Variants in DDI2 observed in about 807,000 individuals in gnomAD.
DDI2 encodes the protein DDI proteasomal shuttling factor 2, also known as protein DDI1 homolog 2.
A neutral mutation model predicts 48.1 loss-of-function variants in DDI2; 5 were observed. That is an observed-to-expected ratio of 0.10 (90% CI 0.05 to 0.22). The LOEUF (loss-of-function observed/expected upper bound fraction) is 0.22. DDI2 is among the 10% of genes least tolerant of loss of function. DDI2 has a pLI of 1.00. For synonymous variants in DDI2, 205 were observed against 183.6 expected (o/e 1.12, Z -0.94); for missense variants, 285 against 506.2 (o/e 0.56, Z 4.19).
intron 1 of DDI2, among the ~76,000 whole-genome samples, chr1:15,625,502 T>A (rs538555044): frequency 6.6e-6 from 1 of 152,236 alleles, no homozygotes; most frequent in Non-Finnish European, 1.5e-5. Context: ...ATTTGTGCTG[T>A]CAGGTTTTTT....
At chr1:15,630,243 A>T in intron 2 of DDI2, 82 bp from the exon 3 acceptor site, 1 of 1,280,516 alleles carries the variant, frequency 7.8e-7, no homozygotes, top group Non-Finnish European at 1.1e-6. Flanking sequence ...TATACCATGT[A>T]TGAGCAAGTG....
At chr1:15,641,647 C>G (rs1231711210) in intron 5 of DDI2, among the ~76,000 whole-genome samples, 1 of 151,794 alleles carries the variant, frequency 6.6e-6, no homozygotes, top group Non-Finnish European at 1.5e-5. Flanking sequence ...CCAGGCTGAT[C>G]ACTATGGTTA....
rs770495140 is a variant in DDI2 at position 15,649,808 on chromosome 1, G to T, written c.978G>T (p.Met326Ile). 1 of 1,611,272 alleles carries T rather than the reference G, an allele frequency of 6.2e-7. No individual in the cohort carries two copies. The highest frequency in any genetic ancestry group is 1.1e-5 in the South Asian group (1 of 90,356). Residue 326 changes from methionine (M) to isoleucine (I), a missense_variant, in exon 7 of 10, where the codon ATG (methionine) becomes ATT (isoleucine). Coordinates refer to ENST00000480945, the MANE Select transcript of DDI2 (RefSeq NM_032341.5). ...TGGACATGCTTCTGGGACTGGACAT[G>T]CTTAAACGGCACCAGGTAATTAAGA... ...QPMDMLLGLD[M>I]LKRHQCSIDL... is the part of the protein sequence containing the mutation.
intron 1 of DDI2, among the ~76,000 whole-genome samples, chr1:15,624,931 A>C (rs925692066): frequency 1.3e-5 from 2 of 152,202 alleles, no homozygotes; most frequent in African/African-American, 4.8e-5. Context: ...GTTGAGCATT[A>C]AGGACTTAAT....
Position 15,617,469 on chromosome 1 carries a change from C to G in DDI2, c.-202C>G. 1 of 342,816 alleles carries G rather than the reference C, an allele frequency of 2.9e-6. No individual in the cohort carries two copies. The highest frequency in any genetic ancestry group is 5.1e-6 in the Non-Finnish European group (1 of 195,844). 21.2% of individuals were successfully genotyped at this position (342,816 alleles called of 1,614,324 possible). A position where few individuals can be genotyped will look rare whatever the true frequency, so the allele number is the denominator to read the frequency against. On this transcript the variant is annotated 5_prime_UTR_variant, in exon 1 of 10. Coordinates refer to ENST00000480945, the MANE Select transcript of DDI2 (RefSeq NM_032341.5). ...GCAGGCCGGCAGGCAGACGGACTCG[C>G]AGGCGTGTGGCGGCGGCCGTGCTTG... is the stretch of plus-strand genomic sequence containing the variant.
chr1:15,656,457 A>G (rs2103480602), intron 8 of DDI2, 160 bp from the exon 9 acceptor site: 1 of 1,516,392 alleles, frequency 6.6e-7, no homozygotes, highest in Non-Finnish European at 8.8e-7. Flanking sequence ...GAAGCAACCA[A>G]CAAATATTTT....
chr1:15,624,332 A>G (rs372409480), intron 1 of DDI2, among the ~76,000 whole-genome samples: 1 of 151,694 alleles, frequency 6.6e-6, no homozygotes, highest in African/African-American at 2.4e-5. Flanking sequence ...TTATAATATG[A>G]CTCTCAGTTG....
chr1:15,622,197 A>ATTTTTT (rs1257357167), intron 1 of DDI2, among the ~76,000 whole-genome samples: 3 of 100,100 alleles, frequency 3.0e-5, no homozygotes, highest in Admixed American at 8.7e-5. Flanking sequence ...AGTAGCTGCG[A>ATTTTTT]CTTTTTTTTT....
intron 7 of DDI2, among the ~76,000 whole-genome samples, chr1:15,650,338 G>A (rs539237578): frequency 8.5e-5 from 13 of 152,236 alleles, no homozygotes; most frequent in Admixed American, 5.2e-4. Context: ...ATATACTGCC[G>A]TCGTTGAAGA....
At chr1:15,648,319 A>G (rs6662685) in intron 6 of DDI2, among the ~76,000 whole-genome samples, 30,492 of 152,204 alleles carry the variant, frequency 0.2, 3,180 homozygotes, top group Middle Eastern at 0.26. Flanking sequence ...AACCGTGGCT[A>G]TGATCAGCAT....
intron 8 of DDI2, among the ~76,000 whole-genome samples, chr1:15,652,116 A>AGTGCAGT (rs1016069656): frequency 8.2e-6 from 1 of 121,404 alleles, no homozygotes. Flanking sequence ...CCCAGGTTGG[A>AGTGCAGT]GTGCAGTGTG....
In DDI2 at chr1:15,661,629, G is replaced by T. The variant is rs759562891; in HGVS notation, c.*1839G>T. 8.7e-6 allele frequency: 14 copies of T among 1,613,914 alleles called. No homozygotes were observed. The highest frequency in any genetic ancestry group is 1.2e-5 in the Non-Finnish European group (14 of 1,180,028). On this transcript the variant is annotated 3_prime_UTR_variant, in exon 10 of 10. Coordinates refer to ENST00000480945, the MANE Select transcript of DDI2 (RefSeq NM_032341.5). ...GCATTCTCCGTGCTGGCTTTACTTT[G>T]CAGGAAGCTCTTGGAGCTTTGCATC...
At position 15,661,742 on chromosome 1, in the gene DDI2, A is replaced by G; in HGVS notation, c.*1952A>G. 1.9e-6 allele frequency: 3 copies of G among 1,582,744 alleles called. No individual in the cohort carries two copies. The highest frequency in any genetic ancestry group is 2.6e-6 in the Non-Finnish European group (3 of 1,164,364). On this transcript the variant is annotated 3_prime_UTR_variant, in exon 10 of 10. Transcript: ENST00000480945. ...ACATGACTGTGGGAAAGTGGGCTAG[A>G]CCGTTCTCCATTCCCTTTAAACAAA...
rs757208866 is a variant in DDI2, at chr1:15,626,794, C to G, written c.264C>G (p.Phe88Leu). Reference sequence around the variant, plus strand: ...CAGACCCTCGACCTCCAGTGCAGTTCCCAAGTAAGACATCTGGTGGTTGAG... The same window carrying G: ...CAGACCCTCGACCTCCAGTGCAGTTGCCAAGTAAGACATCTGGTGGTTGAG... ...ENADPRPPVQ[F>L]PNLPRIDFSS... The change falls in exon 2 of 10, where the codon TTC becomes TTG. Residue 88 changes from phenylalanine to leucine, a missense_variant. By Grantham distance (22) the Phe-to-Leu change is conservative. Around this residue, in one of 3 missense-constraint regions of DDI2, gnomAD observed 149 missense variants for 236.5 expected, o/e 0.63. Transcript: ENST00000480945. 7.1e-5 allele frequency: 115 copies of G among 1,613,918 alleles called. No homozygotes were observed. Among genetic ancestry groups the G allele is most frequent in the Non-Finnish European group, 9.4e-5 (111 of 1,180,026 alleles).
At chr1:15,640,020 G>A (rs796505365) in intron 5 of DDI2, among the ~76,000 whole-genome samples, 2,338 of 139,208 alleles carry the variant, frequency 0.017, 56 homozygotes, top group African/African-American at 0.059. Flanking sequence ...GCCTTCGGGG[G>A]AAAAAAAAAA....
intron 1 of DDI2, 70 bp from the exon 2 acceptor site, chr1:15,626,599 C>T (rs546917964): frequency 5.7e-6 from 9 of 1,587,192 alleles, no homozygotes; most frequent in African/African-American, 4.0e-5. Context: ...CAGGGGAAAA[C>T]TGGTCCTTCT....
intron 1 of DDI2, among the ~76,000 whole-genome samples, chr1:15,622,580 T>C (rs1639682860): frequency 1.3e-5 from 2 of 152,200 alleles, no homozygotes; most frequent in Admixed American, 1.3e-4. Flanking sequence ...TATGTTCTTA[T>C]AACTGGCAAA....
chr1:15,660,432 A>G lies in DDI2; in HGVS notation c.*642A>G, dbSNP rs749736677. On this transcript the variant is annotated 3_prime_UTR_variant, in exon 10 of 10. Transcript: ENST00000480945. ...AACAAAAAGCTTCACATGACCAAGA[A>G]TATCTTTGTAACATAGGGGACCTTG... The G allele has an allele frequency of 6.2e-7, 1 of 1,613,948 alleles. No individual in the cohort carries two copies. The highest frequency in any genetic ancestry group is 2.2e-5 in the East Asian group (1 of 44,892).
chr1:15,618,387 C>T (rs1639600221), intron 1 of DDI2, among the ~76,000 whole-genome samples: 4 of 151,750 alleles, frequency 2.6e-5, no homozygotes, highest in Admixed American at 2.6e-4. Flanking sequence ...TTTGGAAATG[C>T]TCTTTACCCA....
Sources: gnomAD v4.1 joint callset for allele counts (sites outside exome capture counted in the v4.1 genomes callset) on GRCh38, gnomAD v4.1.1 for gene constraint, gnomAD v4.1.1 regional missense constraint, MANE v1.5 for transcripts, NCBI Gene and HGNC (gene_info 2026-07-23, HGNC 2026-07-21) for gene names.